The following WDR59 variants were observed in gnomAD, a reference collection of about 807,000 sequenced individuals.
WDR59 encodes WD repeat domain 59, also known as GATOR2 complex protein WDR59.
In WDR59, 100 loss-of-function variants were observed where a neutral mutation model predicts 131.2. The observed-to-expected ratio is 0.76, with a 90% CI of 0.65 to 0.90. WDR59 has a LOEUF of 0.90. Ranked by LOEUF, WDR59 falls within the 40% of genes least tolerant of loss-of-function variation. The pLI is 0.00. For missense variants in WDR59, 1,203 were observed against 1,262.2 expected, an observed-to-expected ratio of 0.95 and a Z score of 0.71; for synonymous variants, 601 against 466.2, an observed-to-expected ratio of 1.29 and a Z score of -3.72.
intron 8 of WDR59, among the ~76,000 whole-genome samples, chr16:74,925,275 C>T (rs1324603332): frequency 6.6e-6 from 1 of 152,192 alleles, no homozygotes; most frequent in Non-Finnish European, 1.5e-5. Flanking sequence ...GTAGCTCATG[C>T]CTGTAATCCC....
intron 8 of WDR59, among the ~76,000 whole-genome samples, chr16:74,929,073 CTCTTT>C (rs879307751): frequency 3.9e-5 from 6 of 152,086 alleles, no homozygotes; most frequent in African/African-American, 4.8e-5. Flanking sequence ...ACAGACATCT[CTCTTT>C]TCTTTTCTTT....
intron 8 of WDR59, 115 bp from the exon 9 acceptor site, chr16:74,924,118 A>G (rs1047673719): frequency 2.0e-6 from 2 of 1,005,114 alleles, no homozygotes. Context: ...CACTTCAACA[A>G]CATATTTTTA....
chr16:74,885,756 A>G lies in WDR59; in HGVS notation c.2586T>C (p.Phe862=). The change falls in exon 25 of 26, where the codon TTT becomes TTC. Residue 862 remains phenylalanine, a synonymous_variant. Coordinates refer to ENST00000262144, the MANE Select transcript of WDR59 (RefSeq NM_030581.4). ...DPANTQQFDD[F]KKCYGEILYR... The stretch of plus-strand genomic sequence containing the variant: ...AGAGGATTTCCCCATAGCATTTCTT[A>G]AAGTCATCAAATTGCTGGGTATTGG... 6.2e-7 allele frequency: 1 copy of G among 1,614,146 alleles called. No homozygotes were observed. The highest frequency in any genetic ancestry group is 1.7e-5 in the Admixed American group (1 of 60,014).
intron 18 of WDR59, among the ~76,000 whole-genome samples, chr16:74,896,048 C>A (rs746349893): frequency 7.9e-5 from 12 of 151,820 alleles, no homozygotes; most frequent in African/African-American, 2.7e-4. Flanking sequence ...CCACAGGCCC[C>A]ACATAACTGG....
intron 8 of WDR59, among the ~76,000 whole-genome samples, chr16:74,932,324 A>G (rs550423494): frequency 4.0e-5 from 6 of 151,864 alleles, no homozygotes; most frequent in African/African-American, 1.4e-4. Context: ...TCCAGTCCTC[A>G]AGGGATCCTC....
At chr16:74,909,763 G>C in intron 15 of WDR59, 59 bp downstream of exon 15, 1 of 1,583,716 alleles carries the variant, frequency 6.3e-7, no homozygotes, top group Non-Finnish European at 8.6e-7. Context: ...ATTTTAGGGA[G>C]AAAGAAATGA....
intron 25 of WDR59, among the ~76,000 whole-genome samples, chr16:74,879,166 A>G (rs1964358405): frequency 6.6e-6 from 1 of 152,190 alleles, no homozygotes; most frequent in African/African-American, 2.4e-5. Flanking sequence ...CAGCCTGGGC[A>G]ACATGGCAAG....
chr16:74,940,827 T>C (rs2032160197), intron 7 of WDR59, among the ~76,000 whole-genome samples: 2 of 151,990 alleles, frequency 1.3e-5, no homozygotes, highest in African/African-American at 4.8e-5. Flanking sequence ...TGCCTCAGCC[T>C]CCCGAGTAGC....
At chr16:74,982,550 C>G (rs1471839046) in intron 1 of WDR59, among the ~76,000 whole-genome samples, 2 of 152,146 alleles carry the variant, frequency 1.3e-5, no homozygotes, top group African/African-American at 4.8e-5. Context: ...ACCTGGGTTT[C>G]TGTGAAAATT....
chr16:74,873,853 CT>C lies in WDR59; in HGVS notation c.*355del, dbSNP rs1320673469. The C allele has an allele frequency of 9.0e-6, 2 of 222,196 alleles. No homozygotes were observed. The highest frequency in any genetic ancestry group is 1.8e-5 in the Non-Finnish European group (2 of 112,024). 13.8% of individuals were successfully genotyped at this position (222,196 alleles called of 1,614,324 possible). A position where few individuals can be genotyped will look rare whatever the true frequency, so the allele number is the denominator to read the frequency against. ...TCTCTGCACTGGCATCAAGAGAACG[CT>C]GCTCGGTGGTTTAAGGCTAACACCT... On this transcript the variant is annotated 3_prime_UTR_variant, in exon 26 of 26. Transcript: ENST00000262144.
At chr16:74,909,290 GA>G (rs1202785702) in intron 16 of WDR59, among the ~76,000 whole-genome samples, 8 of 152,116 alleles carry the variant, frequency 5.3e-5, no homozygotes, top group Non-Finnish European at 2.9e-5. Context: ...TCAGAATGAA[GA>G]AAGTTAAGAC....
At chr16:74,963,437 C>T (rs1272729307) in intron 2 of WDR59, among the ~76,000 whole-genome samples, 5 of 152,028 alleles carry the variant, frequency 3.3e-5, no homozygotes, top group Non-Finnish European at 7.4e-5. Flanking sequence ...ATGTACTTTG[C>T]AGGGACATGG....
intron 25 of WDR59, among the ~76,000 whole-genome samples, chr16:74,879,620 C>T (rs979506206): frequency 3.9e-5 from 6 of 152,046 alleles, no homozygotes; most frequent in Non-Finnish European, 7.4e-5. Flanking sequence ...TTCTTTCTTG[C>T]TCCATCTCTA....
At chr16:74,955,475 G>T (rs1166984936) in intron 3 of WDR59, among the ~76,000 whole-genome samples, 1 of 152,140 alleles carries the variant, frequency 6.6e-6, no homozygotes, top group Non-Finnish European at 1.5e-5. Flanking sequence ...CCAACTAAAA[G>T]AGCTCCTTCT....
In WDR59 at chr16:74,965,822, C is replaced by G; in HGVS notation, c.55G>C (p.Ala19Pro). 6.2e-7 allele frequency: 1 copy of G among 1,614,030 alleles called. No homozygotes were observed. Among genetic ancestry groups the G allele is most frequent in the African/African-American group, 1.3e-5 (1 of 75,018 alleles). ...NVVVEFRDSQ[A>P]TAMSVDCLGQ... ...AGACAGTCCACAGACATCGCAGTTGCCTGAGAGAGAGAACACAGAGTCAGT... is the reference window on the plus strand; with the variant it reads ...AGACAGTCCACAGACATCGCAGTTGGCTGAGAGAGAGAACACAGAGTCAGT... Residue 19 changes from alanine (A) to proline (P), a missense_variant and splice_region_variant, in exon 2 of 26, where the codon GCA becomes CCA. Physicochemically the swap from Ala to Pro is conservative, Grantham distance 27. Coordinates refer to ENST00000262144, the MANE Select transcript of WDR59 (RefSeq NM_030581.4).
intron 1 of WDR59, among the ~76,000 whole-genome samples, chr16:74,981,418 C>G (rs1324506534): frequency 6.7e-6 from 1 of 148,374 alleles, no homozygotes; most frequent in African/African-American, 2.5e-5. Context: ...AATTGTGGGG[C>G]TTGGTGGTGT....
intron 1 of WDR59, among the ~76,000 whole-genome samples, chr16:74,981,935 C>T (rs1184304894): frequency 6.4e-5 from 8 of 124,270 alleles, no homozygotes; most frequent in African/African-American, 2.3e-4. Flanking sequence ...GGATTACAGG[C>T]GTGAGCCACC....
intron 6 of WDR59, among the ~76,000 whole-genome samples, chr16:74,947,492 C>CA (rs2032721617): frequency 6.6e-6 from 1 of 151,946 alleles, no homozygotes; most frequent in Non-Finnish European, 1.5e-5. Context: ...AACACAAACC[C>CA]AAAAAGGAGA....
At chr16:74,945,888 G>C (rs924799202) in intron 6 of WDR59, among the ~76,000 whole-genome samples, 1 of 145,754 alleles carries the variant, frequency 6.9e-6, no homozygotes, top group Non-Finnish European at 1.5e-5. Context: ...GCGTGATCTC[G>C]CTCACCGCAA....
Sources: gnomAD v4.1 joint callset for allele counts (sites outside exome capture counted in the v4.1 genomes callset) on GRCh38, gnomAD v4.1.1 for gene constraint, MANE v1.5 for transcripts, NCBI Gene and HGNC (gene_info 2026-07-23, HGNC 2026-07-21) for gene names.